OXR1: variants seen among roughly 807,000 people sequenced by gnomAD.
OXR1 encodes the protein oxidation resistance 1.
OXR1 carries 41 observed loss-of-function variants against 104.6 expected under a neutral mutation model. The ratio of observed to expected loss-of-function variants is 0.39; its 90% CI spans 0.31 to 0.51. OXR1 has a LOEUF of 0.51. OXR1 is among the 20% of genes least tolerant of loss of function. The pLI is 0.77. For synonymous variants in OXR1, 348 were observed against 348.4 expected (o/e 1.00, Z 0.01); for missense variants, 955 against 1,031.9 (o/e 0.93, Z 1.02).
intron 1 of OXR1, among the ~76,000 whole-genome samples, chr8:106,300,915 GTTC>G (rs1586492712): frequency 6.6e-6 from 1 of 152,254 alleles, no homozygotes; most frequent in East Asian, 1.9e-4. Context: ...GTTGGACAAT[GTTC>G]TTCTTTTTCC....
chr8:106,429,542 C>A (rs1563518570), intron 2 of OXR1, among the ~76,000 whole-genome samples: 1 of 151,838 alleles, frequency 6.6e-6, no homozygotes, highest in African/African-American at 2.4e-5. Flanking sequence ...TGCCTGTAAT[C>A]CCAGCTACTT....
At chr8:106,337,079 A>G (rs1197107627) in intron 1 of OXR1, among the ~76,000 whole-genome samples, 1 of 152,212 alleles carries the variant, frequency 6.6e-6, no homozygotes, top group Non-Finnish European at 1.5e-5. Context: ...ATGACTTAAA[A>G]TATTTAATTT....
rs144892458 is a variant in OXR1, at chr8:106,563,298, A to G, written c.220+44159A>G. Among the ~76,000 whole-genome samples the G allele has an allele frequency of 8.3e-3, 132 of 15,988 alleles. 1 individual carries two copies. The highest frequency in any genetic ancestry group is 1.0e-2 in the African/African-American group (34 of 3,402). The allele number at this position is 15,988 out of a possible 152,430, so 10.5% of individuals were successfully genotyped here. On this transcript the variant is annotated intron_variant, in intron 3 of 16. Coordinates refer to ENST00000517566, the MANE Select transcript of OXR1 (RefSeq NM_001198533.2). The stretch of plus-strand genomic sequence containing the variant: ...AGATTTACCAAGCAAATGGAAAGCA[A>G]AAAAAAAAAAAAAAAAGAAAAAAAA...
intron 11 of OXR1, among the ~76,000 whole-genome samples, chr8:106,727,827 T>C (rs1833499158): frequency 6.6e-6 from 1 of 152,190 alleles, no homozygotes; most frequent in African/African-American, 2.4e-5. Flanking sequence ...CCCATACATA[T>C]ATGTTATTTA....
chr8:106,663,718 A>G (rs930309416), intron 3 of OXR1, among the ~76,000 whole-genome samples: 1 of 152,170 alleles, frequency 6.6e-6, no homozygotes, highest in African/African-American at 2.4e-5. Context: ...AGATTCTCAT[A>G]GGAGTGTGAA....
intron 6 of OXR1, among the ~76,000 whole-genome samples, chr8:106,692,426 G>C (rs1829398470): frequency 6.6e-6 from 1 of 152,036 alleles, no homozygotes; most frequent in Admixed American, 6.6e-5. Flanking sequence ...GGGTACAAGA[G>C]ATGTAGTGTT....
At chr8:106,332,143 G>T (rs928922498) in intron 1 of OXR1, among the ~76,000 whole-genome samples, 1 of 151,392 alleles carries the variant, frequency 6.6e-6, no homozygotes. Flanking sequence ...ATCAAGTCAC[G>T]TATTAAGGAA....
At chr8:106,523,884 C>T (rs1407729079) in intron 3 of OXR1, among the ~76,000 whole-genome samples, 3 of 151,928 alleles carry the variant, frequency 2.0e-5, no homozygotes, top group Non-Finnish European at 2.9e-5. Flanking sequence ...ATGCCATTCT[C>T]CTGCCTCAGC....
chr8:106,615,546 T>G (rs977721700), intron 3 of OXR1, among the ~76,000 whole-genome samples: 1 of 148,698 alleles, frequency 6.7e-6, no homozygotes, highest in African/African-American at 2.5e-5. Context: ...AGGCAGAAGT[T>G]GCAGTAAGCC....
intron 3 of OXR1, among the ~76,000 whole-genome samples, chr8:106,581,716 G>A (rs1818235436): frequency 1.3e-5 from 2 of 151,810 alleles, no homozygotes; most frequent in South Asian, 4.2e-4. Flanking sequence ...TTGCTTGTAT[G>A]GAGAAAAGAA....
chr8:106,516,535 G>A (rs775657114), intron 2 of OXR1, among the ~76,000 whole-genome samples: 3 of 152,064 alleles, frequency 2.0e-5, no homozygotes, highest in Non-Finnish European at 4.4e-5. Flanking sequence ...TGGATAGGGA[G>A]AACAGCCATT....
intron 2 of OXR1, among the ~76,000 whole-genome samples, chr8:106,448,885 T>C (rs142466843): frequency 6.6e-6 from 1 of 152,344 alleles, no homozygotes; most frequent in Non-Finnish European, 1.5e-5. Flanking sequence ...GATAACATCA[T>C]TGATGTTGTT....
intron 1 of OXR1, among the ~76,000 whole-genome samples, chr8:106,288,743 ATATG>A (rs1812617968): frequency 6.8e-6 from 1 of 147,892 alleles, no homozygotes; most frequent in African/African-American, 2.5e-5. Flanking sequence ...TATAGAGAGA[ATATG>A]TATTTGTGTG....
chr8:106,565,282 C>T (rs1052819145), intron 3 of OXR1, among the ~76,000 whole-genome samples: 3 of 151,980 alleles, frequency 2.0e-5, no homozygotes, highest in African/African-American at 7.3e-5. Flanking sequence ...AGTGAGGTCT[C>T]GGGATATAAA....
intron 7 of OXR1, among the ~76,000 whole-genome samples, chr8:106,698,537 A>G (rs1830288947): frequency 2.0e-5 from 3 of 152,124 alleles, no homozygotes; most frequent in African/African-American, 7.2e-5. Flanking sequence ...ATTTTAGGCT[A>G]CTTAACATTG....
intron 8 of OXR1, 81 bp downstream of exon 8, chr8:106,703,171 C>A: frequency 1.2e-6 from 1 of 858,020 alleles, no homozygotes. Flanking sequence ...ACTATTTTTA[C>A]TAGTTTTCTT....
chr8:106,611,847 G>GTT (rs1451703927), intron 3 of OXR1, among the ~76,000 whole-genome samples: 2 of 152,034 alleles, frequency 1.3e-5, no homozygotes, highest in Non-Finnish European at 2.9e-5. Context: ...AATGAATTCA[G>GTT]TTTTTACATC....
At position 106,286,271 on chromosome 8, in the gene OXR1, A is replaced by G. The variant is rs190370632; in HGVS notation, c.-139+15904A>G. Among the ~76,000 whole-genome samples the G allele has an allele frequency of 7.6e-4, 115 of 152,094 alleles. 5 individuals carry two copies. The highest frequency in any genetic ancestry group is 2.0e-3 in the African/African-American group (84 of 41,378). ...AAACAAAAAGTAAAAAAGTACATCT[A>G]GCCCATTAATCCCACCACACCTGCA... On this transcript the variant is annotated intron_variant, in intron 1 of 16. Transcript: ENST00000517566.
In OXR1 at chr8:106,291,664, A is replaced by C. The variant is rs529985695; in HGVS notation, c.-139+21297A>C. 6.3e-4 allele frequency among the ~76,000 whole-genome samples: 96 copies of C among 152,248 alleles called. No individual in the cohort carries two copies. The South Asian group carries it at 0.012, about 19-fold the overall frequency. ...GCTTGTCATTCTGAGTGGTATGCAT[A>C]TATTAGTCCATTTTCACACTGCTGT... On this transcript the variant is annotated intron_variant, in intron 1 of 16. Coordinates refer to ENST00000517566, the MANE Select transcript of OXR1 (RefSeq NM_001198533.2).
Sources: allele counts gnomAD v4.1 joint callset (sites outside exome capture counted in the v4.1 genomes callset), GRCh38; gene constraint gnomAD v4.1.1; transcripts MANE v1.5; gene names NCBI Gene and HGNC (gene_info 2026-07-23, HGNC 2026-07-21).